DMPK: variants seen among roughly 807,000 people sequenced by gnomAD.
DMPK encodes DM1 protein kinase.
A neutral mutation model predicts 70.3 loss-of-function variants in DMPK; 32 were observed. That is an observed-to-expected ratio of 0.46 (90% CI 0.34 to 0.61). The LOEUF is 0.61. DMPK is among the 20% of genes least tolerant of loss of function. The pLI, the probability that DMPK is intolerant of heterozygous loss-of-function variation, is 0.01. For missense variants in DMPK, 899 were observed against 886.0 expected (o/e 1.01, Z -0.19); for synonymous variants, 469 against 390.9 (o/e 1.20, Z -2.36).
At chr19:45,770,727 G>C (rs975347598) in intron 14 of DMPK, 87 bp from the exon 15 acceptor site, 5 of 1,416,148 alleles carry the variant, frequency 3.5e-6, no homozygotes, top group Non-Finnish European at 4.8e-6. Context: ...AGGTGGGCCC[G>C]CACTCTTCCC....
At position 45,770,588 on chromosome 19, in the gene DMPK, A is replaced by AT; in HGVS notation, c.1789_1790insA (p.Val597AspfsTer49). ...GCCCAGGGCGGCGGCACGAGACAGAACAACGGCGAACAGGAGCAGGGAAAG... is the reference window on the plus strand; with the variant it reads ...GCCCAGGGCGGCGGCACGAGACAGAATCAACGGCGAACAGGAGCAGGGAAAG... On this transcript the variant is annotated frameshift_variant, in exon 15 of 15. Transcript: ENST00000291270. LOFTEE classifies it high-confidence loss of function. 1 of 1,552,486 alleles carries AT rather than the reference A, an allele frequency of 6.4e-7. No homozygotes were observed. Among genetic ancestry groups the AT allele is most frequent in the East Asian group, 2.4e-5 (1 of 41,000 alleles).
Position 45,770,604 on chromosome 19 carries a change from G to C in DMPK, c.1774C>G (p.Leu592Val), listed in dbSNP as rs745669721. The C allele has an allele frequency of 3.2e-6, 5 of 1,552,848 alleles. No individual in the cohort carries two copies. The African/African-American group carries it at 5.5e-5, about 17-fold the overall frequency. The change falls in exon 15 of 15, where the codon CTC becomes GTC. Residue 592 changes from leucine to valine, a missense_variant. Coordinates refer to ENST00000291270, the MANE Select transcript of DMPK (RefSeq NM_004409.5). Reference protein sequence around the residue: ...RPGLSEALSLLLFAVVLSRAA... With the variant: ...RPGLSEALSLVLFAVVLSRAA... ...CGAGACAGAACAACGGCGAACAGGAGCAGGGAAAGCGCCTCCGATAGGCCA... is the reference window on the plus strand; with the variant it reads ...CGAGACAGAACAACGGCGAACAGGACCAGGGAAAGCGCCTCCGATAGGCCA...
rs780801121 is a variant in DMPK at position 45,771,733 on chromosome 19, GC to G, written c.1502+37del. 27 of 1,601,932 alleles carry G rather than the reference GC, an allele frequency of 1.7e-5. No individual in the cohort carries two copies. The South Asian group carries it at 3.0e-4, about 18-fold the overall frequency. ...GAGGGGATGCCAAGGGTTGCCACCG[GC>G]CCGCATCCCGGCCCCGGCCCCGGCC... On this transcript the variant is annotated intron_variant, in intron 11 of 14. Transcript: ENST00000291270.
chr19:45,777,256 G>A lies in DMPK; in HGVS notation c.1146+71C>T. 1 of 1,478,002 alleles carries A rather than the reference G, an allele frequency of 6.8e-7. No individual in the cohort carries two copies. Among genetic ancestry groups the A allele is most frequent in the South Asian group, 1.4e-5 (1 of 71,816 alleles). 91.6% of individuals were successfully genotyped at this position (1,478,002 alleles called of 1,614,324 possible). A position where few individuals can be genotyped will look rare whatever the true frequency, so the allele number is the denominator to read the frequency against. The stretch of plus-strand genomic sequence containing the variant: ...TTCAGGACCCCAGAAGGTAGGCACT[G>A]TCCTTACTCCAACTTTATGGAGGGA... On this transcript the variant is annotated intron_variant, in intron 8 of 14. Coordinates refer to ENST00000291270, the MANE Select transcript of DMPK (RefSeq NM_004409.5). The surrounding 1 kb of genome is among the most constrained non-coding windows in gnomAD (Gnocchi z 6.7).
intron 12 of DMPK, 51 bp from the exon 13 acceptor site, chr19:45,771,447 G>C: frequency 1.2e-6 from 2 of 1,610,612 alleles, no homozygotes; most frequent in Non-Finnish European, 1.7e-6. Flanking sequence ...GAAGGAGGGC[G>C]GTGGCGCGGC....
intron 1 of DMPK, 37 bp downstream of exon 1, chr19:45,782,145 TGCCCCACCCCC>T: frequency 1.7e-6 from 1 of 577,016 alleles, no homozygotes; most frequent in Non-Finnish European, 2.5e-6. Flanking sequence ...ACCTGTCTCC[TGCCCCACCCCC>T]ACCCCATCTG....
chr19:45,780,088 C>A (rs1229583219), intron 1 of DMPK: 2 of 1,493,348 alleles, frequency 1.3e-6, no homozygotes, highest in Non-Finnish European at 1.8e-6. Context: ...AAGCCCTTTG[C>A]GGGACAGGGC....
chr19:45,779,104 G>A (rs1018745729), intron 4 of DMPK, 160 bp downstream of exon 4: 1 of 706,008 alleles, frequency 1.4e-6, no homozygotes, highest in Non-Finnish European at 2.5e-6. Context: ...GATAGGGAAG[G>A]CCCCTCATCC....
rs1600407953 is a variant in DMPK, at chr19:45,770,351, G to C, written c.*137C>G. The C allele has an allele frequency of 1.3e-5, 16 of 1,248,434 alleles. No individual in the cohort carries two copies. Among genetic ancestry groups the C allele is most frequent in the South Asian group, 1.2e-4 (9 of 76,022 alleles). 77.3% of individuals were successfully genotyped at this position (1,248,434 alleles called of 1,614,324 possible). On this transcript the variant is annotated 3_prime_UTR_variant, in exon 15 of 15. Transcript: ENST00000291270. ...CCCCGGCCGCTAGGGGGCGGGCCCG[G>C]ATCACAGGACTGGAGCTGGGCGGAG...
In DMPK at chr19:45,771,556, T is replaced by C. The variant is rs371800676; in HGVS notation, c.1600+12A>G. 447 of 1,613,852 alleles carry C rather than the reference T, an allele frequency of 2.8e-4. No individual in the cohort carries two copies. The highest frequency in any genetic ancestry group is 3.7e-4 in the Non-Finnish European group (433 of 1,179,882). On this transcript the variant is annotated intron_variant, in intron 12 of 14. Transcript: ENST00000291270. ...CCGGTCCTCCGGGGAAGGGGACACA[T>C]GAGGGACTCACCTGTGGCTCCCTCT...
At chr19:45,781,344 C>T (rs1455522540) in intron 1 of DMPK, among the ~76,000 whole-genome samples, 1 of 152,186 alleles carries the variant, frequency 6.6e-6, no homozygotes, top group Non-Finnish European at 1.5e-5. Context: ...GACAAGGCAG[C>T]TGGCAGAAGC....
At chr19:45,781,961 A>C (rs775843620) in intron 1 of DMPK, among the ~76,000 whole-genome samples, 1 of 152,108 alleles carries the variant, frequency 6.6e-6, no homozygotes, top group Non-Finnish European at 1.5e-5. Context: ...CATGGCTCTG[A>C]GTCACAGCCA....
chr19:45,772,590 C>T (rs1969528866), intron 10 of DMPK, 51 bp downstream of exon 10: 2 of 1,311,922 alleles, frequency 1.5e-6, no homozygotes, highest in Non-Finnish European at 2.1e-6. Context: ...AAGCCCTCAC[C>T]TTTTCTCTCC....
At chr19:45,770,886 C>G in intron 14 of DMPK, 85 bp downstream of exon 14, 2 of 1,145,960 alleles carry the variant, frequency 1.7e-6, no homozygotes. Context: ...GGCCCAGCCC[C>G]GCAAATGCGC....
intron 12 of DMPK, 48 bp downstream of exon 12, chr19:45,771,520 C>T (rs1463398713): frequency 7.4e-6 from 12 of 1,612,082 alleles, no homozygotes; most frequent in Non-Finnish European, 1.0e-5. Context: ...GAGCAGACGG[C>T]CCACCTCCTC....
Position 45,771,399 on chromosome 19 carries a change from G to A in DMPK, c.1601-3C>T, listed in dbSNP as rs757010986. 6 of 1,608,282 alleles carry A rather than the reference G, an allele frequency of 3.7e-6. No individual in the cohort carries two copies. Among genetic ancestry groups the A allele is most frequent in the South Asian group, 1.1e-5 (1 of 90,720 alleles). On this transcript the variant is annotated splice_region_variant and splice_polypyrimidine_tract_variant and intron_variant, in intron 12 of 14. Coordinates refer to ENST00000291270, the MANE Select transcript of DMPK (RefSeq NM_004409.5). Reference sequence around the variant, plus strand: ...GGGACTGGGGACCCCCGTGACAGCTGGAAGGAGAAGAAAGAGGCATAGGGC... The same window carrying A: ...GGGACTGGGGACCCCCGTGACAGCTAGAAGGAGAAGAAAGAGGCATAGGGC...
At chr19:45,776,613 C>G (rs545632314) in intron 8 of DMPK, 2 of 152,664 alleles carry the variant, frequency 1.3e-5, no homozygotes, top group Admixed American at 1.3e-4. Context: ...TGCGCCACCA[C>G]GCCCAACCAA....
intron 9 of DMPK, among the ~76,000 whole-genome samples, chr19:45,773,110 G>A (rs990523715): frequency 6.6e-6 from 1 of 152,198 alleles, no homozygotes; most frequent in African/African-American, 2.4e-5. Context: ...ACCTGATGGG[G>A]AGACTGCTTG....
rs542573366 is a variant in DMPK, at chr19:45,774,930, C to G, written c.1232+19G>C. The G allele has an allele frequency of 1.2e-6, 2 of 1,608,732 alleles. No homozygotes were observed. The highest frequency in any genetic ancestry group is 1.3e-5 in the African/African-American group (1 of 74,886). On this transcript the variant is annotated intron_variant, in intron 9 of 14. Transcript: ENST00000291270. The stretch of plus-strand genomic sequence containing the variant: ...AAGCAGCCTCGTGGCCCCTGGAGGC[C>G]GTCCAGGGCAGTGCTTACCTGAGGG...
Sources: gnomAD v4.1 joint callset for allele counts (sites outside exome capture counted in the v4.1 genomes callset) on GRCh38, gnomAD v4.1.1 for gene constraint, Gnocchi (gnomAD v3.1) non-coding constraint, MANE v1.5 for transcripts, NCBI Gene and HGNC (gene_info 2026-07-23, HGNC 2026-07-21) for gene names.